Variants in ENTREP2 observed in about 807,000 individuals in gnomAD.
ENTREP2 encodes endosomal transmembrane epsin interactor 2, also known as protein ENTREP2.
chr15:29,497,311 T>C, the ENTREP2 span, among the ~76,000 whole-genome samples: 1 of 152,020 alleles, frequency 6.6e-6, no homozygotes, highest in African/African-American at 2.4e-5. Context: ...TTCTCTTCAA[T>C]TTTTTTTGGA....
chr15:29,592,308 A>C, the ENTREP2 span, among the ~76,000 whole-genome samples: 180 of 152,310 alleles, frequency 1.2e-3, no homozygotes, highest in African/African-American at 4.1e-3. Flanking sequence ...GAAGGAGACA[A>C]GGGGCCTGTC....
At chr15:29,664,051 G>A in the ENTREP2 span, among the ~76,000 whole-genome samples, 1 of 151,946 alleles carries the variant, frequency 6.6e-6, no homozygotes, top group South Asian at 2.1e-4. Context: ...AAAATAGCAT[G>A]GGGGTATGAA....
At chr15:29,156,043 G>A in the ENTREP2 span, among the ~76,000 whole-genome samples, 1 of 152,180 alleles carries the variant, frequency 6.6e-6, no homozygotes, top group Non-Finnish European at 1.5e-5. Context: ...AGCAGGCACA[G>A]GTGGGGCTGG....
the ENTREP2 span, among the ~76,000 whole-genome samples, chr15:29,427,428 T>C: frequency 0.12 from 17,519 of 152,146 alleles, 1,169 homozygotes; most frequent in East Asian, 0.31. Flanking sequence ...CTTAAAACAA[T>C]ACAAAATTAT....
At chr15:29,142,953 G>C in the ENTREP2 span, among the ~76,000 whole-genome samples, 2 of 152,158 alleles carry the variant, frequency 1.3e-5, no homozygotes, top group Admixed American at 6.5e-5. Flanking sequence ...TGTATCATCA[G>C]AATGTCTTTT....
chr15:29,630,782 G>C, the ENTREP2 span, among the ~76,000 whole-genome samples: 2 of 152,098 alleles, frequency 1.3e-5, no homozygotes, highest in African/African-American at 4.8e-5. Context: ...CCACCTCCCG[G>C]GTTCAAGTGA....
the ENTREP2 span, among the ~76,000 whole-genome samples, chr15:29,483,620 TG>T: frequency 5.0e-4 from 76 of 152,350 alleles, no homozygotes; most frequent in African/African-American, 1.8e-3. Flanking sequence ...CTAACTATAT[TG>T]TGTGGTCTAA....
the ENTREP2 span, among the ~76,000 whole-genome samples, chr15:29,197,433 G>A: frequency 2.0e-5 from 3 of 152,028 alleles, no homozygotes; most frequent in African/African-American, 7.2e-5. Context: ...TCAAAAATAC[G>A]TAAATAAAAA....
the ENTREP2 span, among the ~76,000 whole-genome samples, chr15:29,643,742 C>A: frequency 6.8e-6 from 1 of 148,130 alleles, no homozygotes; most frequent in African/African-American, 2.5e-5. Flanking sequence ...GATGGGGCCA[C>A]TGCACTCCAG....
At chr15:29,133,337 C>T in the ENTREP2 span, among the ~76,000 whole-genome samples, 17,629 of 152,234 alleles carry the variant, frequency 0.12, 2,068 homozygotes, top group East Asian at 0.3. Flanking sequence ...TTTATACCCC[C>T]AACTTCAATA....
the ENTREP2 span, among the ~76,000 whole-genome samples, chr15:29,244,368 G>T: frequency 6.6e-6 from 1 of 152,210 alleles, no homozygotes. Context: ...TCCTGTGAAA[G>T]CCAGGAATAA....
chr15:29,442,716 G>GC, the ENTREP2 span, among the ~76,000 whole-genome samples: 71 of 152,276 alleles, frequency 4.7e-4, no homozygotes, highest in South Asian at 3.1e-3. Flanking sequence ...GGGTCCCCGT[G>GC]CCCCCCGACC....
chr15:29,144,260 C>T, the ENTREP2 span, among the ~76,000 whole-genome samples: 1 of 152,036 alleles, frequency 6.6e-6, no homozygotes, highest in Admixed American at 6.6e-5. Context: ...CATACTGAAC[C>T]CATTTTACTT....
At chr15:29,350,540 A>AT in the ENTREP2 span, among the ~76,000 whole-genome samples, 1 of 152,216 alleles carries the variant, frequency 6.6e-6, no homozygotes, top group Admixed American at 6.5e-5. Context: ...TCAAACAGAA[A>AT]TTTAAGTTTA....
chr15:29,316,767 C>T, the ENTREP2 span, among the ~76,000 whole-genome samples: 1 of 152,156 alleles, frequency 6.6e-6, no homozygotes, highest in African/African-American at 2.4e-5. Context: ...CAGATAATAA[C>T]TCTGCTACTT....
At chr15:29,570,326 C>G in the ENTREP2 span, among the ~76,000 whole-genome samples, 1 of 151,778 alleles carries the variant, frequency 6.6e-6, no homozygotes, top group Non-Finnish European at 1.5e-5. Flanking sequence ...GAGCGGCGAG[C>G]CGGGCCCTGG....
At chr15:29,219,051 T>G in the ENTREP2 span, among the ~76,000 whole-genome samples, 1 of 151,606 alleles carries the variant, frequency 6.6e-6, no homozygotes, top group Non-Finnish European at 1.5e-5. Flanking sequence ...ATCTTCACAA[T>G]CTATACATCT....
At chr15:29,663,383 A>C in the ENTREP2 span, among the ~76,000 whole-genome samples, 2 of 152,122 alleles carry the variant, frequency 1.3e-5, no homozygotes, top group East Asian at 3.9e-4. Context: ...GCTGGATTAT[A>C]AATCATGCTG....
At chr15:29,200,149 T>A in the ENTREP2 span, among the ~76,000 whole-genome samples, 1 of 152,250 alleles carries the variant, frequency 6.6e-6, no homozygotes, top group African/African-American at 2.4e-5. Flanking sequence ...CCCATTTAAT[T>A]CTTATTTTTC....
Sources: gnomAD v4.1 joint callset for allele counts (sites outside exome capture counted in the v4.1 genomes callset) on GRCh38, gnomAD v4.1.1 for gene constraint, MANE v1.5 for transcripts, NCBI Gene and HGNC (gene_info 2026-07-23, HGNC 2026-07-21) for gene names.